The following SLC6A2 variants were observed in gnomAD, a reference collection of about 807,000 sequenced individuals.
SLC6A2 encodes the protein solute carrier family 6 member 2.
SLC6A2 carries 26 observed loss-of-function variants against 71.7 expected under a neutral mutation model. The ratio of observed to expected loss-of-function variants is 0.36; its 90% CI spans 0.27 to 0.50. SLC6A2 has a LOEUF of 0.50. Ranked by LOEUF, SLC6A2 falls within the 20% of genes least tolerant of loss-of-function variation. The pLI is 0.96. For synonymous variants in SLC6A2, 363 were observed against 337.9 expected, an observed-to-expected ratio of 1.07 and a Z score of -0.82; for missense variants, 581 against 803.9, an observed-to-expected ratio of 0.72 and a Z score of 3.35.
intron 4 of SLC6A2, among the ~76,000 whole-genome samples, chr16:55,678,253 G>T (rs1349561366): frequency 6.6e-6 from 1 of 151,996 alleles, no homozygotes; most frequent in Non-Finnish European, 1.5e-5. Flanking sequence ...GCCCTTTCTG[G>T]CCTGGAGCCT....
rs1352416114 is a variant in SLC6A2 at position 55,705,119 on chromosome 16, A to C, written c.*2773A>C. ...TTTTTCAGGTTTTTAAAGAATTATT[A>C]TTTTTCATGAAATGTAAAATATCAG... On this transcript the variant is annotated 3_prime_UTR_variant, in exon 15 of 15. Coordinates refer to ENST00000568943, the MANE Select transcript of SLC6A2 (RefSeq NM_001172501.3). 3.0e-6 allele frequency: 3 copies of C among 984,750 alleles called. No individual in the cohort carries two copies. The highest frequency in any genetic ancestry group is 2.0e-5 in the Admixed American group (1 of 48,936). The allele number at this position is 984,750 out of a possible 1,614,324, so 61.0% of individuals were successfully genotyped here. A position where few individuals can be genotyped will look rare whatever the true frequency, so the allele number is the denominator to read the frequency against.
At chr16:55,693,878 GCCCATCTCTGGTTCAGAC>G in intron 6 of SLC6A2, 114 bp from the exon 7 acceptor site, 1 of 757,704 alleles carries the variant, frequency 1.3e-6, no homozygotes, top group South Asian at 1.4e-5. Flanking sequence ...TGCCAGGGCT[GCCCATCTCTGGTTCAGAC>G]CATGTTTCCT....
At chr16:55,675,465 C>G (rs1965056005) in intron 4 of SLC6A2, among the ~76,000 whole-genome samples, 1 of 152,084 alleles carries the variant, frequency 6.6e-6, no homozygotes, top group Admixed American at 6.5e-5. Flanking sequence ...TTTATTTTAC[C>G]TCTGGAAAGT....
intron 13 of SLC6A2, among the ~76,000 whole-genome samples, chr16:55,700,518 A>G (rs1446253163): frequency 6.6e-6 from 1 of 152,172 alleles, no homozygotes; most frequent in Non-Finnish European, 1.5e-5. Context: ...CCAAAACAAA[A>G]AAGAAGTACT....
intron 4 of SLC6A2, among the ~76,000 whole-genome samples, chr16:55,677,016 G>T (rs112792409): frequency 0.011 from 1,737 of 152,254 alleles, 44 homozygotes; most frequent in African/African-American, 0.039. Context: ...ATTTCCATCA[G>T]TAGCTCCCCC....
At position 55,705,339 on chromosome 16, in the gene SLC6A2, CT is replaced by C; in HGVS notation, c.*2994del. ...CCGCTCAGCTGGGAGCCAGTTCCTGCTATATGATCTGTTTTCTAGCCTCGCT... is the reference window on the plus strand; with the variant it reads ...CCGCTCAGCTGGGAGCCAGTTCCTGCATATGATCTGTTTTCTAGCCTCGCT... On this transcript the variant is annotated 3_prime_UTR_variant, in exon 15 of 15. Coordinates refer to ENST00000568943, the MANE Select transcript of SLC6A2 (RefSeq NM_001172501.3). 1 of 1,097,102 alleles carries C rather than the reference CT, an allele frequency of 9.1e-7. No individual in the cohort carries two copies. The highest frequency in any genetic ancestry group is 1.3e-6 in the Non-Finnish European group (1 of 760,972). The allele number at this position is 1,097,102 out of a possible 1,614,324, so 68.0% of individuals were successfully genotyped here. A position where few individuals can be genotyped will look rare whatever the true frequency, so the allele number is the denominator to read the frequency against.
At position 55,704,792 on chromosome 16, in the gene SLC6A2, C is replaced by T. The variant is rs1966068148; in HGVS notation, c.*2446C>T. On this transcript the variant is annotated 3_prime_UTR_variant, in exon 15 of 15. Coordinates refer to ENST00000568943, the MANE Select transcript of SLC6A2 (RefSeq NM_001172501.3). ...GGAGATGTGGTGCTAGCTGAACCAA[C>T]ACCAAACCAACGCAGTGGTGCTGCC... The T allele has an allele frequency of 6.3e-6, 1 of 157,882 alleles. No individual in the cohort carries two copies. Among genetic ancestry groups the T allele is most frequent in the South Asian group, 2.0e-4 (1 of 5,088 alleles). The allele number at this position is 157,882 out of a possible 1,614,324, so 9.8% of individuals were successfully genotyped here. A position where few individuals can be genotyped will look rare whatever the true frequency, so the allele number is the denominator to read the frequency against.
intron 2 of SLC6A2, among the ~76,000 whole-genome samples, chr16:55,658,976 C>A (rs1021783206): frequency 1.4e-4 from 21 of 152,168 alleles, no homozygotes. Flanking sequence ...TTCTCTGTAT[C>A]TTTTAAGAGG....
chr16:55,679,016 G>A (rs1567441933), intron 4 of SLC6A2, among the ~76,000 whole-genome samples: 1 of 152,152 alleles, frequency 6.6e-6, no homozygotes. Context: ...CTGTTGGGGG[G>A]CATTTCAACC....
At chr16:55,672,769 G>A (rs552998255) in intron 4 of SLC6A2, among the ~76,000 whole-genome samples, 1 of 152,344 alleles carries the variant, frequency 6.6e-6, no homozygotes, top group African/African-American at 2.4e-5. Context: ...GAAGCGGGAA[G>A]CAGGCCAGCT....
At chr16:55,660,934 A>G (rs1404581435) in intron 2 of SLC6A2, among the ~76,000 whole-genome samples, 4 of 152,208 alleles carry the variant, frequency 2.6e-5, no homozygotes, top group Non-Finnish European at 5.9e-5. Flanking sequence ...TGTTTTCTGA[A>G]TGAATTACTG....
intron 8 of SLC6A2, among the ~76,000 whole-genome samples, chr16:55,695,857 C>A (rs781163653): frequency 2.0e-4 from 30 of 152,198 alleles, no homozygotes; most frequent in Non-Finnish European, 4.0e-4. Flanking sequence ...TCCTTCCCTG[C>A]AGCTTCCCAT....
At chr16:55,701,523 G>A (rs1315998278) in intron 13 of SLC6A2, among the ~76,000 whole-genome samples, 1 of 152,174 alleles carries the variant, frequency 6.6e-6, no homozygotes, top group African/African-American at 2.4e-5. Flanking sequence ...TCTCCATTCT[G>A]GGTCTAAGAT....
chr16:55,701,986 T>A, intron 14 of SLC6A2, 52 bp downstream of exon 14: 1 of 1,371,252 alleles, frequency 7.3e-7, no homozygotes, highest in Non-Finnish European at 1.0e-6. Flanking sequence ...GGGCCCTGGC[T>A]GTTCCCTGCT....
At chr16:55,695,164 G>A (rs958173052) in intron 7 of SLC6A2, 114 bp from the exon 8 acceptor site, 12 of 1,242,844 alleles carry the variant, frequency 9.7e-6, no homozygotes, top group South Asian at 7.2e-5. Flanking sequence ...GCCACTGAAG[G>A]GGGGATGGCC....
Position 55,703,378 on chromosome 16 carries a change from A to C in SLC6A2, c.*1032A>C. The stretch of plus-strand genomic sequence containing the variant: ...GCCTCCCTCTGGGGATCCCACCTGG[A>C]GTGGACCAGGGGTCTTGAGAAATGG... On this transcript the variant is annotated 3_prime_UTR_variant, in exon 15 of 15. Coordinates refer to ENST00000568943, the MANE Select transcript of SLC6A2 (RefSeq NM_001172501.3). 1.0e-6 allele frequency: 1 copy of C among 985,432 alleles called. No individual in the cohort carries two copies. Among genetic ancestry groups the C allele is most frequent in the Non-Finnish European group, 1.2e-6 (1 of 829,930 alleles). The allele number at this position is 985,432 out of a possible 1,614,324, so 61.0% of individuals were successfully genotyped here. A position where few individuals can be genotyped will look rare whatever the true frequency, so the allele number is the denominator to read the frequency against.
chr16:55,701,767 C>A (rs1965977402), intron 13 of SLC6A2, 96 bp from the exon 14 acceptor site: 2 of 860,954 alleles, frequency 2.3e-6, no homozygotes, highest in African/African-American at 3.3e-5. Flanking sequence ...GCTGCAGGAT[C>A]AAATAGCAGG....
At position 55,702,756 on chromosome 16, in the gene SLC6A2, A is replaced by AT. The variant is rs1278448123; in HGVS notation, c.*410_*411insT. On this transcript the variant is annotated 3_prime_UTR_variant, in exon 15 of 15. Coordinates refer to ENST00000568943, the MANE Select transcript of SLC6A2 (RefSeq NM_001172501.3). ...GATCAGATACCCCTCCCAAAAAAAAAAAAAACTAAAACTAAAGCAAAAATC... is the reference window on the plus strand; with the variant it reads ...GATCAGATACCCCTCCCAAAAAAAAATAAAAACTAAAACTAAAGCAAAAATC... 9.5e-7 allele frequency: 1 copy of AT among 1,052,748 alleles called. No homozygotes were observed. Among genetic ancestry groups the AT allele is most frequent in the Non-Finnish European group, 1.1e-6 (1 of 874,290 alleles). The allele number at this position is 1,052,748 out of a possible 1,614,324, so 65.2% of individuals were successfully genotyped here. A position where few individuals can be genotyped will look rare whatever the true frequency, so the allele number is the denominator to read the frequency against.
At chr16:55,663,674 G>C (rs1408669449) in intron 2 of SLC6A2, among the ~76,000 whole-genome samples, 4 of 152,020 alleles carry the variant, frequency 2.6e-5, no homozygotes, top group Non-Finnish European at 5.9e-5. Context: ...TCTATCTATT[G>C]TTCTATTGTT....
Sources: gnomAD v4.1 joint callset for allele counts (sites outside exome capture counted in the v4.1 genomes callset) on GRCh38, gnomAD v4.1.1 for gene constraint, MANE v1.5 for transcripts, NCBI Gene and HGNC (gene_info 2026-07-23, HGNC 2026-07-21) for gene names.